Variants in MAP2 observed in about 807,000 individuals in gnomAD.
The protein encoded by MAP2 is microtubule-associated protein 2.
MAP2 carries 14 observed loss-of-function variants against 137.6 expected under a neutral mutation model. The ratio of observed to expected loss-of-function variants is 0.10; its 90% confidence interval spans 0.07 to 0.16. The LOEUF (loss-of-function observed/expected upper bound fraction) is 0.16. Ranked by LOEUF, MAP2 falls within the 10% of genes least tolerant of loss-of-function variation. The pLI is 1.00. For missense variants in MAP2, 2,088 were observed against 2,191.5 expected, an observed-to-expected ratio of 0.95 and a Z score of 0.94; for synonymous variants, 786 against 782.3, an observed-to-expected ratio of 1.00 and a Z score of -0.08.
intron 2 of MAP2, among the ~76,000 whole-genome samples, chr2:209,554,064 C>T: frequency 6.6e-6 from 1 of 152,168 alleles, no homozygotes; most frequent in East Asian, 1.9e-4. Flanking sequence ...GTTCAAGATA[C>T]CTGTTTCACA....
At chr2:209,443,485 C>T (rs905553283) in intron 1 of MAP2, among the ~76,000 whole-genome samples, 2 of 151,600 alleles carry the variant, frequency 1.3e-5, no homozygotes, top group Non-Finnish European at 3.0e-5. Context: ...CACTGTTTCC[C>T]TCTACAGAGC....
At position 209,687,081 on chromosome 2, in the gene MAP2, C is replaced by T. The variant is rs73072896; in HGVS notation, c.455-5544C>T. 3.0e-3 allele frequency among the ~76,000 whole-genome samples: 454 copies of T among 151,548 alleles called. 4 individuals carry two copies. Among genetic ancestry groups the T allele is most frequent in the African/African-American group, 0.01 (424 of 41,246 alleles). On this transcript the variant is annotated intron_variant, in intron 7 of 15. Transcript: ENST00000682079. ...TCCAAAGAAAGAGCTATGCTGACTGCGCATTTCTTATTAAGGCAGGAAAGA... is the reference window on the plus strand; with the variant it reads ...TCCAAAGAAAGAGCTATGCTGACTGTGCATTTCTTATTAAGGCAGGAAAGA...
intron 2 of MAP2, among the ~76,000 whole-genome samples, chr2:209,537,664 A>C (rs1446560124): frequency 2.6e-5 from 4 of 152,164 alleles, no homozygotes; most frequent in African/African-American, 9.7e-5. Context: ...CCATTCTTTT[A>C]ATATTTGGTT....
chr2:209,584,324 T>C (rs182106233), intron 3 of MAP2, among the ~76,000 whole-genome samples: 2 of 152,070 alleles, frequency 1.3e-5, no homozygotes. Context: ...GAACAAACAT[T>C]AGCAAAGGAA....
rs74337524 is a variant in MAP2, at chr2:209,685,001, T to A, written c.454+4174T>A. Reference sequence around the variant, plus strand: ...TGCTAAGATGTATGGAGTCAGACATTGTGCTTGGCATTTTCACAGATATCT... The same window carrying A: ...TGCTAAGATGTATGGAGTCAGACATAGTGCTTGGCATTTTCACAGATATCT... On this transcript the variant is annotated intron_variant, in intron 7 of 15. Transcript: ENST00000682079. Among the ~76,000 whole-genome samples the A allele has an allele frequency of 8.2e-4, 124 of 150,630 alleles. 2 individuals are homozygous for A. The East Asian group carries it at 0.02, about 25-fold the overall frequency.
chr2:209,471,236 C>A (rs1254577724), intron 1 of MAP2, among the ~76,000 whole-genome samples: 1 of 152,214 alleles, frequency 6.6e-6, no homozygotes, highest in East Asian at 1.9e-4. Context: ...AATTCTGACT[C>A]ATCCTACACA....
intron 2 of MAP2, among the ~76,000 whole-genome samples, chr2:209,533,649 G>T (rs2065485624): frequency 6.6e-6 from 1 of 152,158 alleles, no homozygotes; most frequent in Non-Finnish European, 1.5e-5. Flanking sequence ...ATAGGATACA[G>T]CTCTTTGAAA....
chr2:209,679,060 G>A (rs1343142342), intron 6 of MAP2, among the ~76,000 whole-genome samples: 1 of 152,016 alleles, frequency 6.6e-6, no homozygotes, highest in East Asian at 1.9e-4. Context: ...CCCTTTACAG[G>A]TTTTGGTGAA....
chr2:209,593,394 G>A (rs553632488), intron 3 of MAP2, among the ~76,000 whole-genome samples: 50 of 149,244 alleles, frequency 3.4e-4, no homozygotes, highest in South Asian at 1.3e-3. Flanking sequence ...ATCATAGGTC[G>A]CTGTTGTAAG....
intron 2 of MAP2, among the ~76,000 whole-genome samples, chr2:209,510,820 T>G (rs2061637658): frequency 6.6e-6 from 1 of 152,108 alleles, no homozygotes; most frequent in Non-Finnish European, 1.5e-5. Flanking sequence ...CTATTTGATC[T>G]TATGCTGTTG....
At chr2:209,668,622 A>G (rs879502257) in intron 5 of MAP2, among the ~76,000 whole-genome samples, 6 of 152,064 alleles carry the variant, frequency 3.9e-5, no homozygotes, top group Non-Finnish European at 5.9e-5. Context: ...GCATCGAAAT[A>G]CAAATATGAC....
chr2:209,593,634 A>AAAAAAAATATATAT (rs1286103137), intron 3 of MAP2, among the ~76,000 whole-genome samples: 1 of 33,644 alleles, frequency 3.0e-5, no homozygotes, highest in Non-Finnish European at 4.9e-5. Flanking sequence ...AAAAAAAAAA[A>AAAAAAAATATATAT]ATATATATAT....
intron 3 of MAP2, among the ~76,000 whole-genome samples, chr2:209,586,004 CAT>C (rs1480435932): frequency 2.0e-5 from 3 of 152,118 alleles, no homozygotes; most frequent in African/African-American, 4.8e-5. Flanking sequence ...GAGAGTTGCA[CAT>C]GTTTTTTAGG....
chr2:209,548,005 C>A (rs930829833), intron 2 of MAP2, among the ~76,000 whole-genome samples: 7 of 152,132 alleles, frequency 4.6e-5, no homozygotes, highest in Middle Eastern at 3.2e-3. Flanking sequence ...CATTTTTTAA[C>A]TCAAACAGTG....
chr2:209,482,997 T>C (rs2057921695), intron 1 of MAP2, among the ~76,000 whole-genome samples: 1 of 152,224 alleles, frequency 6.6e-6, no homozygotes, highest in South Asian at 2.1e-4. Flanking sequence ...TTAGTATCTT[T>C]TTTAGAACAT....
At chr2:209,723,389 C>T (rs906045160) in intron 13 of MAP2, among the ~76,000 whole-genome samples, 1 of 152,110 alleles carries the variant, frequency 6.6e-6, no homozygotes, top group Non-Finnish European at 1.5e-5. Flanking sequence ...TAGCCTCTCT[C>T]GCATTTGACC....
intron 2 of MAP2, among the ~76,000 whole-genome samples, chr2:209,535,699 G>A (rs1310660985): frequency 6.6e-6 from 1 of 151,810 alleles, no homozygotes; most frequent in Non-Finnish European, 1.5e-5. Flanking sequence ...AAATTACAAA[G>A]CCAGAATTAA....
chr2:209,649,776 A>G (rs1001955905), intron 4 of MAP2, among the ~76,000 whole-genome samples: 3 of 152,210 alleles, frequency 2.0e-5, no homozygotes, highest in Non-Finnish European at 2.9e-5. Context: ...AAGGAATATT[A>G]TCTGAATAGT....
chr2:209,547,489 A>C (rs2068317106), intron 2 of MAP2, among the ~76,000 whole-genome samples: 1 of 152,226 alleles, frequency 6.6e-6, no homozygotes, highest in Non-Finnish European at 1.5e-5. Context: ...AACGTAAAAT[A>C]CCGGCAGATT....
Sources: gnomAD v4.1 joint callset for allele counts (sites outside exome capture counted in the v4.1 genomes callset) on GRCh38, gnomAD v4.1.1 for gene constraint, MANE v1.5 for transcripts, NCBI Gene and HGNC (gene_info 2026-07-23, HGNC 2026-07-21) for gene names.